ALMS1: variants seen among roughly 807,000 people sequenced by gnomAD.
ALMS1 encodes the protein centrosome-associated protein ALMS1.
A neutral mutation model predicts 352.2 loss-of-function variants in ALMS1; 271 were observed. The observed-to-expected ratio is 0.77, with a 90% confidence interval of 0.70 to 0.85. The LOEUF (loss-of-function observed/expected upper bound fraction) is 0.85. ALMS1 is among the 40% of genes least tolerant of loss of function. The pLI is 0.00. For missense variants in ALMS1, 5,445 were observed against 4,870.7 expected (o/e 1.12, Z -3.51); for synonymous variants, 1,865 against 1,761.2 (o/e 1.06, Z -1.48).
At chr2:73,515,216 G>T (rs544790472) in intron 10 of ALMS1, among the ~76,000 whole-genome samples, 40 of 152,134 alleles carry the variant, frequency 2.6e-4, no homozygotes, top group Non-Finnish European at 5.1e-4. Context: ...AGTTGAATCA[G>T]ATTTTAGATA....
At chr2:73,604,368 G>A (rs746493302) in intron 21 of ALMS1, among the ~76,000 whole-genome samples, 28 of 151,936 alleles carry the variant, frequency 1.8e-4, no homozygotes, top group Non-Finnish European at 3.4e-4. Context: ...ATTACGCTCC[G>A]GCCTGGGTAA....
At chr2:73,405,617 T>C (rs1042549611) in intron 1 of ALMS1, among the ~76,000 whole-genome samples, 16 of 152,058 alleles carry the variant, frequency 1.1e-4, no homozygotes, top group Non-Finnish European at 2.9e-5. Context: ...CTGATCACTT[T>C]GGGTTTAGTT....
intron 11 of ALMS1, among the ~76,000 whole-genome samples, chr2:73,528,912 G>T (rs899015028): frequency 1.3e-5 from 2 of 151,620 alleles, no homozygotes; most frequent in African/African-American, 4.8e-5. Flanking sequence ...AGTGTGTCAG[G>T]TGTATTTTTC....
At chr2:73,483,392 A>T (rs1306156797) in intron 9 of ALMS1, among the ~76,000 whole-genome samples, 2 of 151,346 alleles carry the variant, frequency 1.3e-5, no homozygotes, top group Non-Finnish European at 2.9e-5. Context: ...TTTGAGTGAG[A>T]TTCTTAATCT....
At chr2:73,458,595 C>G (rs957386169) in intron 9 of ALMS1, 1 of 152,118 alleles carries the variant, frequency 6.6e-6, no homozygotes, top group African/African-American at 2.4e-5. Context: ...AACACAGAAC[C>G]TGAGAAAGAG....
At chr2:73,388,019 G>A (rs1411787298) in intron 1 of ALMS1, among the ~76,000 whole-genome samples, 1 of 152,170 alleles carries the variant, frequency 6.6e-6, no homozygotes, top group Non-Finnish European at 1.5e-5. Context: ...CAGATTTATG[G>A]TGGAGGTGGT....
At position 73,448,640 on chromosome 2, in the gene ALMS1, A is replaced by G; in HGVS notation, c.2113A>G (p.Lys705Glu). 1 of 1,613,914 alleles carries G rather than the reference A, an allele frequency of 6.2e-7. No homozygotes were observed. Among genetic ancestry groups the G allele is most frequent in the Non-Finnish European group, 8.5e-7 (1 of 1,179,922 alleles). ...AGCTGTGTCTGGACCAGCTGACCAG[A>G]AGACTGGGACAGCAACAGTACTCTC... ...VSAVSGPADQ[K>E]TGTATVLSTP... is the part of the protein sequence containing the mutation. The change falls in exon 8 of 23, where the codon AAG (lysine) becomes GAG (glutamate). Residue 705 changes from lysine to glutamate, a missense_variant. Lys to Glu is a moderately conservative substitution (Grantham distance 56). Transcript: ENST00000613296.
Position 73,601,282 on chromosome 2 carries a change from G to C in ALMS1, c.11960G>C (p.Trp3987Ser). The change falls in exon 19 of 23, where the codon TGG becomes TCG. Residue 3987 changes from tryptophan to serine, a missense_variant. Transcript: ENST00000613296. ...VPNTCGPGIS[W>S]FEPITKTRPW... ...AACACTTGTGGCCCTGGCATCTCCT[G>C]GTTTGAACCAATAACCAAGACCAGA... 6.2e-7 allele frequency: 1 copy of C among 1,614,200 alleles called. No individual in the cohort carries two copies. Among genetic ancestry groups the C allele is most frequent in the Admixed American group, 1.7e-5 (1 of 60,018 alleles).
rs1455420794 is a variant in ALMS1, at chr2:73,578,414, GCTTT to G, written c.11547+4995_11547+4998del. ...AGGACTTACTTTCCCCGTGCTGTTT[GCTTT>G]CTTTATGTCATATCTTTTTTGTTTT... is the stretch of plus-strand genomic sequence containing the variant. On this transcript the variant is annotated intron_variant, in intron 16 of 22. Transcript: ENST00000613296. Among the ~76,000 whole-genome samples, 3 of 151,846 alleles carry G rather than the reference GCTTT, an allele frequency of 2.0e-5. No homozygotes were observed. The East Asian group carries it at 5.8e-4, about 29-fold the overall frequency.
intron 9 of ALMS1, among the ~76,000 whole-genome samples, chr2:73,473,276 T>G (rs1299190651): frequency 6.6e-6 from 1 of 151,984 alleles, no homozygotes; most frequent in African/African-American, 2.4e-5. Context: ...CCTATTACCT[T>G]TTTTCTTTCC....
rs557843255 is a variant in ALMS1, at chr2:73,395,759, A to C, written c.324+9567A>C. ...TATATAGCTTTATTTTTTCTTTCCA[A>C]TCTGGATGCCTTTTATGTATTTATT... is the stretch of plus-strand genomic sequence containing the variant. On this transcript the variant is annotated intron_variant, in intron 1 of 22. Transcript: ENST00000613296. Among the ~76,000 whole-genome samples, 12 of 152,174 alleles carry C rather than the reference A, an allele frequency of 7.9e-5. 1 individual carries two copies. Among genetic ancestry groups the C allele is most frequent in the African/African-American group, 2.9e-4 (12 of 41,540 alleles).
intron 9 of ALMS1, among the ~76,000 whole-genome samples, chr2:73,472,033 G>A (rs543598511): frequency 2.0e-5 from 3 of 152,034 alleles, no homozygotes; most frequent in Non-Finnish European, 2.9e-5. Flanking sequence ...AAGTCCTGCT[G>A]TATGTGACAA....
rs748261604 is a variant in ALMS1, at chr2:73,453,802, C to G, written c.7275C>G (p.Ser2425=). 1.9e-6 allele frequency: 3 copies of G among 1,614,106 alleles called. No individual in the cohort carries two copies. The highest frequency in any genetic ancestry group is 2.5e-6 in the Non-Finnish European group (3 of 1,180,000). Residue 2425 remains serine (S), a synonymous_variant, in exon 8 of 23, where the codon TCC becomes TCG. Coordinates refer to ENST00000613296, the MANE Select transcript of ALMS1 (RefSeq NM_001378454.1). ...SSSDASDGNG[S]CSWDSNLPES... ...GTGATGCCAGTGATGGAAATGGTTCCTGCTCGTGGGACAGTAATTTACCAG... is the reference window on the plus strand; with the variant it reads ...GTGATGCCAGTGATGGAAATGGTTCGTGCTCGTGGGACAGTAATTTACCAG...
At chr2:73,607,550 C>T (rs969458110) in intron 21 of ALMS1, among the ~76,000 whole-genome samples, 1 of 152,072 alleles carries the variant, frequency 6.6e-6, no homozygotes, top group African/African-American at 2.4e-5. Context: ...GCCTCGAGTC[C>T]ATTTTTACCA....
At chr2:73,481,547 C>T (rs1672703399) in intron 9 of ALMS1, among the ~76,000 whole-genome samples, 1 of 152,072 alleles carries the variant, frequency 6.6e-6, no homozygotes, top group African/African-American at 2.4e-5. Context: ...TTAGGATTGA[C>T]TTGGCGATGC....
chr2:73,525,629 A>ATT (rs948686272), intron 11 of ALMS1, among the ~76,000 whole-genome samples: 1 of 149,796 alleles, frequency 6.7e-6, no homozygotes, highest in Non-Finnish European at 1.5e-5. Context: ...GGATTATTAG[A>ATT]TTTTTTTTTT....
At chr2:73,547,725 T>C (rs1238380739) in intron 12 of ALMS1, among the ~76,000 whole-genome samples, 1 of 152,178 alleles carries the variant, frequency 6.6e-6, no homozygotes, top group Non-Finnish European at 1.5e-5. Context: ...TTTATACTTG[T>C]AAAGTTTATT....
intron 12 of ALMS1, among the ~76,000 whole-genome samples, chr2:73,547,752 G>T (rs1034787374): frequency 6.6e-6 from 1 of 152,212 alleles, no homozygotes; most frequent in Non-Finnish European, 1.5e-5. Context: ...ACTATATGGA[G>T]AAATGGTTTA....
chr2:73,494,081 T>C lies in ALMS1; in HGVS notation c.9539+2583T>C, dbSNP rs146410350. The stretch of plus-strand genomic sequence containing the variant: ...ATGGCCATGGCTTTGGCCAGAGACA[T>C]GGGCTTTTTGATTCTATAAGGCACT... On this transcript the variant is annotated intron_variant, in intron 10 of 22. Coordinates refer to ENST00000613296, the MANE Select transcript of ALMS1 (RefSeq NM_001378454.1). Among the ~76,000 whole-genome samples the C allele has an allele frequency of 1.7e-3, 263 of 152,322 alleles. 2 individuals are homozygous for C. The highest frequency in any genetic ancestry group is 6.8e-3 in the Middle Eastern group (2 of 294).
Sources: allele counts gnomAD v4.1 joint callset (sites outside exome capture counted in the v4.1 genomes callset), GRCh38; gene constraint gnomAD v4.1.1; transcripts MANE v1.5; gene names NCBI Gene and HGNC (gene_info 2026-07-23, HGNC 2026-07-21).